Variants in GABRG3 observed in about 807,000 individuals in gnomAD.
GABRG3 encodes the protein gamma-aminobutyric acid type A receptor subunit gamma3.
In GABRG3, 25 loss-of-function variants were observed where a neutral mutation model predicts 48.8. The observed-to-expected ratio is 0.51, with a 90% confidence interval of 0.37 to 0.72. The LOEUF (loss-of-function observed/expected upper bound fraction) is 0.72, where lower values mean the gene tolerates loss of function less well. Ranked by LOEUF, GABRG3 falls within the 30% of genes least tolerant of loss-of-function variation. The pLI is 0.00. For missense variants in GABRG3, 394 were observed against 577.9 expected (o/e 0.68, Z 3.26); for synonymous variants, 227 against 217.6 (o/e 1.04, Z -0.38).
At chr15:27,291,967 T>TA (rs1360342637) in intron 3 of GABRG3, among the ~76,000 whole-genome samples, 1 of 152,150 alleles carries the variant, frequency 6.6e-6, no homozygotes, top group African/African-American at 2.4e-5. Flanking sequence ...TAGAACAGGT[T>TA]ACCTCCCCAT....
At position 27,319,828 on chromosome 15, in the gene GABRG3, A is replaced by G. The variant is rs12914579; in HGVS notation, c.271-6981A>G. 0.27 allele frequency among the ~76,000 whole-genome samples: 40,365 copies of G among 152,094 alleles called. 8,178 individuals carry two copies. The highest frequency in any genetic ancestry group is 0.57 in the African/African-American group (23,720 of 41,428). The stretch of plus-strand genomic sequence containing the variant: ...CCAATTCTGTAGGCTCTGGGTAGCC[A>G]TGATACATTTTTTTAATAGCAGCAT... On this transcript the variant is annotated intron_variant, in intron 3 of 9. Coordinates refer to ENST00000615808, the MANE Select transcript of GABRG3 (RefSeq NM_033223.5). This position sits in a 1 kb window ranked among gnomAD's most constrained non-coding sequence, Gnocchi z 4.4.
intron 2 of GABRG3, among the ~76,000 whole-genome samples, chr15:27,017,682 G>A (rs1021497305): frequency 3.3e-5 from 5 of 152,210 alleles, no homozygotes; most frequent in African/African-American, 9.6e-5. Flanking sequence ...GGCACGTTGT[G>A]TGCCAAGAAT....
intron 5 of GABRG3, among the ~76,000 whole-genome samples, chr15:27,472,882 C>T (rs982229901): frequency 2.0e-5 from 3 of 152,040 alleles, no homozygotes; most frequent in Non-Finnish European, 4.4e-5. Flanking sequence ...ACATACACTG[C>T]ATTTTATCAA....
At chr15:27,029,378 A>G (rs914855906) in intron 3 of GABRG3, among the ~76,000 whole-genome samples, 1 of 152,198 alleles carries the variant, frequency 6.6e-6, no homozygotes, top group Non-Finnish European at 1.5e-5. Flanking sequence ...GACACAACGT[A>G]CTACTAGCCT....
chr15:26,997,048 T>C (rs1458339139), intron 2 of GABRG3, among the ~76,000 whole-genome samples: 2 of 152,180 alleles, frequency 1.3e-5, no homozygotes, highest in Non-Finnish European at 2.9e-5. Flanking sequence ...ACTTTTTCTA[T>C]TGATTTATCC....
intron 3 of GABRG3, among the ~76,000 whole-genome samples, chr15:27,162,645 G>T (rs1275897734): frequency 6.6e-6 from 1 of 152,098 alleles, no homozygotes; most frequent in East Asian, 1.9e-4. Flanking sequence ...AATAGGGAAA[G>T]AAAATGGGCA....
intron 2 of GABRG3, among the ~76,000 whole-genome samples, chr15:26,992,519 T>G (rs539676788): frequency 6.6e-6 from 1 of 152,328 alleles, no homozygotes; most frequent in Admixed American, 6.5e-5. Context: ...TATATCACAT[T>G]GATTGATTTG....
chr15:27,234,867 G>A (rs1183275822), intron 3 of GABRG3, among the ~76,000 whole-genome samples: 2 of 152,178 alleles, frequency 1.3e-5, no homozygotes, highest in Non-Finnish European at 2.9e-5. Context: ...CCCAGATGGT[G>A]AGAGGGGCCA....
intron 3 of GABRG3, among the ~76,000 whole-genome samples, chr15:27,232,106 C>T (rs930143737): frequency 1.3e-5 from 2 of 152,022 alleles, no homozygotes; most frequent in Non-Finnish European, 2.9e-5. Context: ...AAATGATCGA[C>T]AAGAAGCAGA....
chr15:27,170,176 A>G (rs1409662321), intron 3 of GABRG3, among the ~76,000 whole-genome samples: 1 of 152,200 alleles, frequency 6.6e-6, no homozygotes, highest in Non-Finnish European at 1.5e-5. Flanking sequence ...AATTTTTTCC[A>G]TTCCTTCATT....
intron 3 of GABRG3, among the ~76,000 whole-genome samples, chr15:27,165,298 C>T (rs914240016): frequency 1.4e-4 from 21 of 152,156 alleles, no homozygotes; most frequent in Non-Finnish European, 2.6e-4. Flanking sequence ...GGCGAGGTCA[C>T]CTAACCCAGC....
chr15:27,306,995 T>TGTATAAACATATATA (rs1595660389), intron 3 of GABRG3, among the ~76,000 whole-genome samples: 1 of 111,058 alleles, frequency 9.0e-6, no homozygotes, highest in Admixed American at 9.3e-5. Context: ...AACATGTTTA[T>TGTATAAACATATATA]ATATAAACAT....
chr15:27,092,496 T>A (rs954111906), intron 3 of GABRG3, among the ~76,000 whole-genome samples: 4 of 152,200 alleles, frequency 2.6e-5, no homozygotes, highest in Non-Finnish European at 5.9e-5. Flanking sequence ...AGCTGCTGTG[T>A]AAGGACCCGC....
intron 3 of GABRG3, among the ~76,000 whole-genome samples, chr15:27,210,779 G>A (rs1889053574): frequency 6.6e-6 from 1 of 152,204 alleles, no homozygotes; most frequent in Non-Finnish European, 1.5e-5. Context: ...CCCCTTTGGG[G>A]ACACAGCCTC....
At chr15:27,416,520 G>A (rs2140605416) in intron 5 of GABRG3, among the ~76,000 whole-genome samples, 2 of 152,306 alleles carry the variant, frequency 1.3e-5, no homozygotes, top group Middle Eastern at 3.4e-3. Context: ...TTCTGCCAGA[G>A]CATGAGGGGC....
At chr15:27,159,825 C>T (rs1898532786) in intron 3 of GABRG3, among the ~76,000 whole-genome samples, 3 of 152,100 alleles carry the variant, frequency 2.0e-5, no homozygotes, top group South Asian at 4.2e-4. Flanking sequence ...GGGAGGAGGT[C>T]GCATAGATTA....
intron 5 of GABRG3, among the ~76,000 whole-genome samples, chr15:27,351,335 G>A (rs940546662): frequency 7.5e-5 from 11 of 147,146 alleles, no homozygotes; most frequent in African/African-American, 2.3e-4. Context: ...GTGTGTGTGT[G>A]TATGGTATAT....
chr15:27,513,106 G>T (rs1374501259), intron 6 of GABRG3, among the ~76,000 whole-genome samples: 1 of 151,934 alleles, frequency 6.6e-6, no homozygotes, highest in Non-Finnish European at 1.5e-5. Flanking sequence ...TATCAAGCAG[G>T]CCAGGAGATA....
At chr15:27,345,708 T>A (rs1040066170) in intron 5 of GABRG3, among the ~76,000 whole-genome samples, 1 of 152,226 alleles carries the variant, frequency 6.6e-6, no homozygotes, top group Non-Finnish European at 1.5e-5. Context: ...TCTTTTAACA[T>A]TTCTTGCAGG....
Sources: gnomAD v4.1 joint callset for allele counts (sites outside exome capture counted in the v4.1 genomes callset) on GRCh38, gnomAD v4.1.1 for gene constraint, Gnocchi (gnomAD v3.1) non-coding constraint, MANE v1.5 for transcripts, NCBI Gene and HGNC (gene_info 2026-07-23, HGNC 2026-07-21) for gene names.